The following GPD2 variants were observed in gnomAD, a reference collection of about 807,000 sequenced individuals.
The protein encoded by GPD2 is glycerol-3-phosphate dehydrogenase 2.
In GPD2, 54 loss-of-function variants were observed where a neutral mutation model predicts 82.4. The ratio of observed to expected loss-of-function variants is 0.66; its 90% CI spans 0.53 to 0.82. GPD2 has a LOEUF of 0.82. Ranked by LOEUF, GPD2 falls within the 40% of genes least tolerant of loss-of-function variation. The probability of loss-of-function intolerance (pLI) is 0.00; values close to 1 mark genes in which losing one functional copy is unlikely to be tolerated. For missense variants in GPD2, 748 were observed against 896.2 expected (o/e 0.83, Z 2.11); for synonymous variants, 288 against 306.1 (o/e 0.94, Z 0.62).
upstream of GPD2, among the ~76,000 whole-genome samples, chr2:156,431,257 ACT>A (rs1688313118): frequency 6.6e-6 from 1 of 151,928 alleles, no homozygotes; most frequent in East Asian, 1.9e-4. Context: ...AACACTTAAG[ACT>A]CTCACTTCCC....
At chr2:156,450,503 A>C (rs1409411788) in intron 1 of GPD2, among the ~76,000 whole-genome samples, 1 of 152,016 alleles carries the variant, frequency 6.6e-6, no homozygotes, top group Non-Finnish European at 1.5e-5. Flanking sequence ...AATTCAAAAG[A>C]TATTAAAAAA....
intron 9 of GPD2, among the ~76,000 whole-genome samples, chr2:156,564,634 T>TA (rs1687304806): frequency 1.3e-5 from 2 of 152,052 alleles, no homozygotes; most frequent in Admixed American, 6.6e-5. Flanking sequence ...GAATCATCCA[T>TA]AAAAACCATT....
chr2:156,507,210 C>T (rs1221024241), intron 3 of GPD2, among the ~76,000 whole-genome samples: 2 of 151,994 alleles, frequency 1.3e-5, no homozygotes, highest in Non-Finnish European at 2.9e-5. Flanking sequence ...TGGGGTTTTG[C>T]CAGGTTGACC....
At chr2:156,408,781 G>A in the GPD2 span, among the ~76,000 whole-genome samples, 2 of 151,878 alleles carry the variant, frequency 1.3e-5, no homozygotes, top group East Asian at 1.9e-4. Context: ...TTGGCTGCTG[G>A]GTGAAGTTTG....
chr2:156,409,071 A>T, the GPD2 span, among the ~76,000 whole-genome samples: 1 of 152,058 alleles, frequency 6.6e-6, no homozygotes, highest in Non-Finnish European at 1.5e-5. Flanking sequence ...ATAAACTAAG[A>T]AAAAACCACC....
rs186065948 is a variant in GPD2 at position 156,538,625 on chromosome 2, C to A, written c.662-10983C>A. Among the ~76,000 whole-genome samples the A allele has an allele frequency of 2.5e-3, 386 of 151,958 alleles. 1 individual carries two copies. Among genetic ancestry groups the A allele is most frequent in the African/African-American group, 8.7e-3 (361 of 41,432 alleles). On this transcript the variant is annotated intron_variant, in intron 6 of 16. Coordinates refer to ENST00000438166, the MANE Select transcript of GPD2 (RefSeq NM_000408.5). ...CACGAGGTCAGGAGATTGAGACCAT[C>A]CTGGCTAACACGGTGAAACCCCGTC...
chr2:156,570,164 G>T lies in GPD2; in HGVS notation c.1554G>T (p.Arg518Ser), dbSNP rs746937509. 6.2e-7 allele frequency: 1 copy of T among 1,612,938 alleles called. No homozygotes were observed. ...AAATGGCAAGTGTGACTGGCAAAAG[G>T]TGGCCTATTGTTGGAGTACGTCTTG... The part of the protein sequence containing the change: ...VAKMASVTGK[R>S]WPIVGVRLVS... Residue 518 changes from arginine (R) to serine (S), a missense_variant, in exon 12 of 17, where the codon AGG (arginine) becomes AGT (serine). By Grantham distance (110) the Arg-to-Ser change is moderately radical (BLOSUM62 -1). This residue lies in a region of GPD2 where 692 missense variants were observed against 809.7 expected (regional missense o/e 0.85). Transcript: ENST00000438166.
chr2:156,552,894 C>CTTTTTTTTTT (rs771404828), intron 8 of GPD2, among the ~76,000 whole-genome samples: 2 of 107,364 alleles, frequency 1.9e-5, no homozygotes, highest in Admixed American at 9.5e-5. Flanking sequence ...TTCCTTATAT[C>CTTTTTTTTTT]TTTTTTTTTT....
chr2:156,547,685 A>T (rs1262859026), intron 6 of GPD2, among the ~76,000 whole-genome samples: 2 of 152,230 alleles, frequency 1.3e-5, no homozygotes, highest in Middle Eastern at 6.3e-3. Context: ...GATGCTAATT[A>T]GGGAACATTT....
At chr2:156,456,584 C>T (rs374690950) in intron 1 of GPD2, among the ~76,000 whole-genome samples, 1 of 150,302 alleles carries the variant, frequency 6.7e-6, no homozygotes, top group African/African-American at 2.5e-5. Context: ...CAACGGAGTG[C>T]GACTCTGTCT....
the GPD2 span, among the ~76,000 whole-genome samples, chr2:156,409,163 C>A: frequency 6.6e-6 from 1 of 152,322 alleles, no homozygotes; most frequent in South Asian, 2.1e-4. Context: ...GATCTTGGAT[C>A]TGTGGCGTCC....
the GPD2 span, among the ~76,000 whole-genome samples, chr2:156,425,440 A>T: frequency 2.6e-5 from 4 of 152,150 alleles, no homozygotes; most frequent in Admixed American, 1.3e-4. Flanking sequence ...TGATTATGTC[A>T]CTTAAGTCAG....
At chr2:156,432,589 C>T (rs1558894982), upstream of GPD2, among the ~76,000 whole-genome samples, 4 of 152,164 alleles carry the variant, frequency 2.6e-5, no homozygotes, top group South Asian at 2.1e-4. Context: ...CATGTTGCTA[C>T]AAAGTGATTT....
At chr2:156,553,206 C>A (rs777145412) in intron 8 of GPD2, among the ~76,000 whole-genome samples, 1 of 151,944 alleles carries the variant, frequency 6.6e-6, no homozygotes, top group African/African-American at 2.4e-5. Context: ...ACTGATAATA[C>A]CTAACTGGTA....
intron 9 of GPD2, among the ~76,000 whole-genome samples, chr2:156,558,663 T>A (rs1414530015): frequency 6.6e-6 from 1 of 151,744 alleles, no homozygotes; most frequent in African/African-American, 2.4e-5. Context: ...AATGGTGTGA[T>A]CTCAGCTCAC....
At chr2:156,465,271 T>G (rs1234810019) in intron 1 of GPD2, among the ~76,000 whole-genome samples, 4 of 98,158 alleles carry the variant, frequency 4.1e-5, no homozygotes, top group Non-Finnish European at 8.4e-5. Flanking sequence ...TGTTTTAATC[T>G]TAAGACAGAC....
At chr2:156,421,312 A>G in the GPD2 span, among the ~76,000 whole-genome samples, 3 of 152,220 alleles carry the variant, frequency 2.0e-5, no homozygotes, top group South Asian at 2.1e-4. Context: ...ACTCCTAGGA[A>G]TAAGTTTTTA....
chr2:156,413,403 G>A, the GPD2 span, among the ~76,000 whole-genome samples: 1 of 151,462 alleles, frequency 6.6e-6, no homozygotes, highest in Non-Finnish European at 1.5e-5. Flanking sequence ...CAAACATGGC[G>A]AAATCCCGTC....
At chr2:156,544,396 A>G (rs959533793) in intron 6 of GPD2, among the ~76,000 whole-genome samples, 3 of 152,158 alleles carry the variant, frequency 2.0e-5, no homozygotes, top group African/African-American at 7.2e-5. Context: ...ACAATTTCAC[A>G]TGGGTGAGTT....
Sources: gnomAD v4.1 joint callset for allele counts (sites outside exome capture counted in the v4.1 genomes callset) on GRCh38, gnomAD v4.1.1 for gene constraint, gnomAD v4.1.1 regional missense constraint, MANE v1.5 for transcripts, NCBI Gene and HGNC (gene_info 2026-07-23, HGNC 2026-07-21) for gene names.